Variants in COPS9 observed in about 807,000 individuals in gnomAD.
COPS9 encodes the protein COP9 signalosome complex subunit 9.
In COPS9, 8 loss-of-function variants were observed where a neutral mutation model predicts 7.2. The ratio of observed to expected loss-of-function variants is 1.11; its 90% CI spans 0.65 to 2.00. The LOEUF is 2.00. Among genes scored for constraint, COPS9 ranks in the 30% most tolerant of loss-of-function variants. COPS9 has a pLI of 0.00. For synonymous variants in COPS9, 39 were observed against 28.7 expected, an observed-to-expected ratio of 1.36 and a Z score of -1.14; for missense variants, 74 against 77.7, an observed-to-expected ratio of 0.95 and a Z score of 0.18.
At chr2:240,133,071 G>A (rs2071937768) in intron 2 of COPS9, among the ~76,000 whole-genome samples, 1 of 152,206 alleles carries the variant, frequency 6.6e-6, no homozygotes, top group Admixed American at 6.5e-5. Context: ...GCCTGATGAA[G>A]CAGCAGGGAC....
At chr2:240,127,084 G>A, downstream of COPS9, 1 of 1,047,434 alleles carries the variant, frequency 9.5e-7, no homozygotes, top group Non-Finnish European at 1.4e-6. Flanking sequence ...GACAGAGAGG[G>A]GAAGGCTAAG....
downstream of COPS9, chr2:240,126,962 C>T (rs200736693): frequency 2.2e-4 from 352 of 1,604,234 alleles, 2 homozygotes; most frequent in African/African-American, 3.8e-3. Context: ...CAAGGAAGCT[C>T]GTGACACTAG....
In COPS9 at chr2:240,132,586, G is replaced by A. The variant is rs1000504538; in HGVS notation, c.136+1347C>T. 6.6e-6 allele frequency among the ~76,000 whole-genome samples: 1 copy of A among 152,170 alleles called. No homozygotes were observed. Among genetic ancestry groups the A allele is most frequent in the Non-Finnish European group, 1.5e-5 (1 of 68,040 alleles). On this transcript the variant is annotated intron_variant, in intron 2 of 2. Coordinates refer to ENST00000607357, the MANE Select transcript of COPS9 (RefSeq NM_001163424.2). The surrounding 1 kb of genome is among the most constrained non-coding windows in gnomAD (Gnocchi z 4.1). ...GGGTCCCTCTCAGAGATGCTTTCCC[G>A]TCAGGATTCAAGGGCTGACTCTGGA...
rs77542049 is a variant in COPS9 at position 240,132,539 on chromosome 2, G to A, written c.136+1394C>T. On this transcript the variant is annotated intron_variant, in intron 2 of 2. Transcript: ENST00000607357. This position sits in a 1 kb window ranked among gnomAD's most constrained non-coding sequence, Gnocchi z 4.1. ...GCCCACAATGCTCAGGTTGCTGGGC[G>A]CTCACCTGACGGGTAGGACCTGGGT... Among the ~76,000 whole-genome samples, 3,071 of 152,248 alleles carry A rather than the reference G, an allele frequency of 0.02. 98 individuals carry two copies. The highest frequency in any genetic ancestry group is 0.069 in the African/African-American group (2,854 of 41,524).
At chr2:240,134,112 G>A in intron 1 of COPS9, 107 bp from the exon 2 acceptor site, 2 of 987,600 alleles carry the variant, frequency 2.0e-6, no homozygotes, top group East Asian at 2.4e-5. Flanking sequence ...TGGGTGAGGG[G>A]AAACAGGCTC....
In COPS9 at chr2:240,132,656, C is replaced by A. The variant is rs1179387256; in HGVS notation, c.136+1277G>T. Among the ~76,000 whole-genome samples the A allele has an allele frequency of 6.6e-6, 1 of 152,186 alleles. No individual in the cohort carries two copies. Among genetic ancestry groups the A allele is most frequent in the African/African-American group, 2.4e-5 (1 of 41,446 alleles). On this transcript the variant is annotated intron_variant, in intron 2 of 2. Coordinates refer to ENST00000607357, the MANE Select transcript of COPS9 (RefSeq NM_001163424.2). The surrounding 1 kb of genome is among the most constrained non-coding windows in gnomAD (Gnocchi z 4.1). ...CTAGAACACAGCAATCGCCTCTAAC[C>A]AATGGGCTGGCAGAGGATAAATGGG...
At chr2:240,127,085 G>A (rs1424581510), downstream of COPS9, 18 of 1,049,022 alleles carry the variant, frequency 1.7e-5, no homozygotes, top group South Asian at 2.8e-4. Context: ...ACAGAGAGGG[G>A]AAGGCTAAGT....
At chr2:240,135,322 T>A (rs546958753) in intron 1 of COPS9, among the ~76,000 whole-genome samples, 17 of 152,094 alleles carry the variant, frequency 1.1e-4, no homozygotes, top group Non-Finnish European at 2.5e-4. Flanking sequence ...AGCTGTACCT[T>A]TGCTGAGCCC....
chr2:240,136,193 C>T, intron 1 of COPS9, 29 bp downstream of exon 1: 1 of 1,508,076 alleles, frequency 6.6e-7, no homozygotes, highest in Non-Finnish European at 8.8e-7. Flanking sequence ...GCTCCCCACG[C>T]TCGGAGACTC....
upstream of COPS9, chr2:240,136,307 C>T: frequency 4.5e-6 from 7 of 1,549,978 alleles, no homozygotes; most frequent in Non-Finnish European, 6.1e-6. Flanking sequence ...GCGCTCTAGG[C>T]TCACTTCCGG....
In COPS9 at chr2:240,131,815, G is replaced by A. The variant is rs1014922331; in HGVS notation, c.137-727C>T. 3.1e-4 allele frequency among the ~76,000 whole-genome samples: 47 copies of A among 152,174 alleles called. 1 individual carries two copies. The highest frequency in any genetic ancestry group is 2.9e-3 in the Admixed American group (44 of 15,274). On this transcript the variant is annotated intron_variant, in intron 2 of 2. Transcript: ENST00000607357. Reference sequence around the variant, plus strand: ...CTAAAAGCCCACCCACATGTACTGCGCACTGAAAATGTGCAGTATGAATTA... The same window carrying A: ...CTAAAAGCCCACCCACATGTACTGCACACTGAAAATGTGCAGTATGAATTA...
At chr2:240,126,604 C>T, downstream of COPS9, 1 of 1,614,202 alleles carries the variant, frequency 6.2e-7, no homozygotes, top group South Asian at 1.1e-5. Context: ...TTCTTCCCTT[C>T]TTCTCCACCA....
chr2:240,126,620 G>T (rs138915136), downstream of COPS9: 6 of 1,614,108 alleles, frequency 3.7e-6, no homozygotes, highest in Non-Finnish European at 5.1e-6. Context: ...CACCAGCAAC[G>T]GATGGTGTTT....
chr2:240,129,910 C>T, downstream of COPS9: 2 of 1,613,558 alleles, frequency 1.2e-6, no homozygotes, highest in Non-Finnish European at 1.7e-6. Flanking sequence ...GCACTTCTTA[C>T]CTCTTCCGAC....
downstream of COPS9, among the ~76,000 whole-genome samples, chr2:240,129,353 G>A (rs1373420927): frequency 6.6e-6 from 1 of 152,102 alleles, no homozygotes; most frequent in Non-Finnish European, 1.5e-5. Flanking sequence ...TGTATAGAGA[G>A]GGGGGTCTCG....
At chr2:240,127,828 G>C (rs1369245775), downstream of COPS9, among the ~76,000 whole-genome samples, 2 of 152,090 alleles carry the variant, frequency 1.3e-5, no homozygotes, top group Non-Finnish European at 2.9e-5. Flanking sequence ...CTGACAAAGG[G>C]ACCAGGCATC....
chr2:240,133,158 G>C (rs1387434012), intron 2 of COPS9, among the ~76,000 whole-genome samples: 1 of 152,204 alleles, frequency 6.6e-6, no homozygotes, highest in African/African-American at 2.4e-5. Context: ...CTAGTAACAA[G>C]AGCTTTCTGT....
downstream of COPS9, among the ~76,000 whole-genome samples, chr2:240,128,433 C>T (rs543372556): frequency 6.6e-5 from 10 of 152,272 alleles, no homozygotes; most frequent in South Asian, 8.3e-4. Context: ...CTCACAGAAG[C>T]GTCTTCTCCA....
chr2:240,134,638 T>C (rs2071955688), intron 1 of COPS9, among the ~76,000 whole-genome samples: 1 of 152,170 alleles, frequency 6.6e-6, no homozygotes, highest in Non-Finnish European at 1.5e-5. Context: ...GTCCTGCTGC[T>C]GCCCTGGCCC....
Sources: gnomAD v4.1 joint callset for allele counts (sites outside exome capture counted in the v4.1 genomes callset) on GRCh38, gnomAD v4.1.1 for gene constraint, Gnocchi (gnomAD v3.1) non-coding constraint, MANE v1.5 for transcripts, NCBI Gene and HGNC (gene_info 2026-07-23, HGNC 2026-07-21) for gene names.